Variants in IQCM observed in about 807,000 individuals in gnomAD.
IQCM encodes the protein IQ domain-containing protein M.
In IQCM, 45 loss-of-function variants were observed where a neutral mutation model predicts 57.6. The observed-to-expected ratio is 0.78, with a 90% CI of 0.62 to 1.00. IQCM has a LOEUF of 1.00. IQCM is among the 50% of genes least tolerant of loss of function. The pLI is 0.00. For synonymous variants in IQCM, 148 were observed against 158.9 expected (o/e 0.93, Z 0.51); for missense variants, 468 against 511.6 (o/e 0.91, Z 0.82).
chr4:149,769,900 G>A (rs904880599), intron 2 of IQCM, among the ~76,000 whole-genome samples: 2 of 151,950 alleles, frequency 1.3e-5, no homozygotes, highest in Non-Finnish European at 2.9e-5. Context: ...AACAATGCAG[G>A]AGAGTTAACA....
chr4:149,433,682 T>TC (rs1395161311), intron 12 of IQCM, 125 bp from the exon 13 acceptor site: 2 of 348,420 alleles, frequency 5.7e-6, no homozygotes, highest in East Asian at 9.2e-5. Context: ...AAAACATGTC[T>TC]TTTTTTTTAG....
chr4:149,804,209 A>G (rs931584040), intron 2 of IQCM, among the ~76,000 whole-genome samples: 1 of 151,950 alleles, frequency 6.6e-6, no homozygotes, highest in African/African-American at 2.4e-5. Flanking sequence ...CAAAACAGTT[A>G]CTTTCTCCCT....
chr4:149,468,280 T>A (rs1271507074), intron 12 of IQCM, among the ~76,000 whole-genome samples: 1 of 152,108 alleles, frequency 6.6e-6, no homozygotes, highest in African/African-American at 2.4e-5. Context: ...CCCACCCTAA[T>A]ACTGTGCTTT....
chr4:149,391,345 C>A (rs1222134971), intron 13 of IQCM, among the ~76,000 whole-genome samples: 8 of 151,752 alleles, frequency 5.3e-5, no homozygotes, highest in African/African-American at 1.9e-4. Context: ...CAATAGCCCC[C>A]CTTTTATTCT....
intron 8 of IQCM, among the ~76,000 whole-genome samples, chr4:149,611,088 C>T (rs1010462137): frequency 5.3e-5 from 8 of 151,788 alleles, no homozygotes; most frequent in Middle Eastern, 3.2e-3. Context: ...GACATACAAA[C>T]GGTCAAGTAT....
chr4:149,577,471 C>T (rs1751767651), intron 9 of IQCM, among the ~76,000 whole-genome samples: 1 of 151,984 alleles, frequency 6.6e-6, no homozygotes, highest in Non-Finnish European at 1.5e-5. Context: ...ATCCCAGCAC[C>T]ATTTAATGAA....
At chr4:149,542,641 T>G (rs529485332) in intron 12 of IQCM, among the ~76,000 whole-genome samples, 2 of 152,222 alleles carry the variant, frequency 1.3e-5, no homozygotes, top group East Asian at 3.9e-4. Context: ...AGAAACCAAC[T>G]GATGACATTC....
intron 8 of IQCM, among the ~76,000 whole-genome samples, chr4:149,610,148 C>A (rs755097016): frequency 6.6e-6 from 1 of 151,508 alleles, no homozygotes; most frequent in Non-Finnish European, 1.5e-5. Flanking sequence ...CAAATAAAAA[C>A]ACCTAGGAAT....
chr4:149,791,660 G>T (rs1772627886), intron 2 of IQCM, among the ~76,000 whole-genome samples: 1 of 152,196 alleles, frequency 6.6e-6, no homozygotes, highest in East Asian at 1.9e-4. Context: ...CATTCTGCAT[G>T]TATGCTATTG....
chr4:149,575,869 GA>G (rs1319942036), intron 9 of IQCM, among the ~76,000 whole-genome samples: 107 of 754 alleles, frequency 0.14, no homozygotes, highest in Admixed American at 0.18. Flanking sequence ...CCAGGCGCAT[GA>G]TATCATGTCT....
intron 8 of IQCM, among the ~76,000 whole-genome samples, chr4:149,606,247 G>C (rs937719182): frequency 4.6e-5 from 7 of 152,098 alleles, no homozygotes; most frequent in African/African-American, 1.7e-4. Context: ...TACAGAGAGA[G>C]ACTCCTTCTG....
At chr4:149,601,821 G>A (rs1754322567) in intron 8 of IQCM, among the ~76,000 whole-genome samples, 1 of 152,042 alleles carries the variant, frequency 6.6e-6, no homozygotes, top group African/African-American at 2.4e-5. Flanking sequence ...CACTTTGAGA[G>A]GCCAAGGCAG....
At chr4:149,695,148 C>T (rs1412687338) in intron 5 of IQCM, among the ~76,000 whole-genome samples, 2 of 152,166 alleles carry the variant, frequency 1.3e-5, no homozygotes, top group Non-Finnish European at 2.9e-5. Context: ...CAATTCCTCA[C>T]TAGACTGTGA....
intron 2 of IQCM, among the ~76,000 whole-genome samples, chr4:149,768,431 C>T (rs553742295): frequency 6.6e-6 from 1 of 152,090 alleles, no homozygotes; most frequent in Non-Finnish European, 1.5e-5. Context: ...CAATAAATTT[C>T]ATAGATAACC....
chr4:149,369,164 C>T (rs1379684444), intron 13 of IQCM, among the ~76,000 whole-genome samples: 1 of 150,774 alleles, frequency 6.6e-6, no homozygotes, highest in East Asian at 2.0e-4. Flanking sequence ...CCCGCTTCAG[C>T]CTCCCGAGTA....
intron 13 of IQCM, among the ~76,000 whole-genome samples, chr4:149,376,254 C>T (rs1023422903): frequency 2.0e-5 from 3 of 151,858 alleles, no homozygotes; most frequent in Non-Finnish European, 2.9e-5. Context: ...GCAGGTTTTC[C>T]CATGTTTTTC....
At chr4:149,563,354 A>G (rs1308518367) in intron 10 of IQCM, among the ~76,000 whole-genome samples, 1 of 152,202 alleles carries the variant, frequency 6.6e-6, no homozygotes, top group African/African-American at 2.4e-5. Context: ...CCTTTTGTTC[A>G]GAGTCTCCAA....
intron 12 of IQCM, among the ~76,000 whole-genome samples, chr4:149,447,833 T>A (rs1736684554): frequency 6.6e-6 from 1 of 151,616 alleles, no homozygotes; most frequent in Non-Finnish European, 1.5e-5. Context: ...AGATAAATCA[T>A]AATCAAACTG....
At chr4:149,425,208 C>T (rs1446968911) in intron 13 of IQCM, among the ~76,000 whole-genome samples, 1 of 151,850 alleles carries the variant, frequency 6.6e-6, no homozygotes, top group East Asian at 1.9e-4. Flanking sequence ...ATTAATTATA[C>T]AATTTTGTCA....
Sources: allele counts gnomAD v4.1 joint callset (sites outside exome capture counted in the v4.1 genomes callset), GRCh38; gene constraint gnomAD v4.1.1; transcripts MANE v1.5; gene names NCBI Gene and HGNC (gene_info 2026-07-23, HGNC 2026-07-21).